The following ANKS1B variants were observed in gnomAD, a reference collection of about 807,000 sequenced individuals.
ANKS1B encodes ankyrin repeat and sterile alpha motif domain containing 1B.
ANKS1B carries 36 observed loss-of-function variants against 148.3 expected under a neutral mutation model. That is an observed-to-expected ratio of 0.24 (90% CI 0.19 to 0.32). The LOEUF is 0.32. Among genes scored for constraint, ANKS1B ranks in the 10% least tolerant of loss-of-function variants. The pLI, the probability that ANKS1B is intolerant of heterozygous loss-of-function variation, is 1.00. For synonymous variants in ANKS1B, 542 were observed against 560.8 expected, an observed-to-expected ratio of 0.97 and a Z score of 0.47; for missense variants, 1,157 against 1,542.6, an observed-to-expected ratio of 0.75 and a Z score of 4.19.
intron 1 of ANKS1B, among the ~76,000 whole-genome samples, chr12:99,952,639 T>C (rs2153824277): frequency 6.6e-6 from 1 of 152,320 alleles, no homozygotes; most frequent in African/African-American, 2.4e-5. Flanking sequence ...AAGGCTCTTG[T>C]ACTTTCAACC....
At chr12:99,268,157 T>C (rs965604628) in intron 12 of ANKS1B, among the ~76,000 whole-genome samples, 2 of 152,186 alleles carry the variant, frequency 1.3e-5, no homozygotes, top group Non-Finnish European at 2.9e-5. Flanking sequence ...CTCAACTCGT[T>C]TTTGAAAGCC....
At chr12:99,042,050 T>A (rs1200218148) in intron 17 of ANKS1B, among the ~76,000 whole-genome samples, 1 of 151,914 alleles carries the variant, frequency 6.6e-6, no homozygotes, top group Admixed American at 6.6e-5. Context: ...AAAAAACCCA[T>A]AAAACACCAA....
chr12:99,806,324 A>G (rs1438635947), intron 4 of ANKS1B, 80 bp downstream of exon 4: 5 of 1,523,538 alleles, frequency 3.3e-6, no homozygotes, highest in Non-Finnish European at 4.5e-6. Context: ...AAAGATTTCT[A>G]CATACAGGTT....
intron 14 of ANKS1B, among the ~76,000 whole-genome samples, chr12:99,224,642 G>A (rs543191607): frequency 3.9e-5 from 6 of 152,292 alleles, no homozygotes; most frequent in African/African-American, 1.4e-4. Context: ...GGAGAATCAT[G>A]AGCCAATTAA....
intron 15 of ANKS1B, among the ~76,000 whole-genome samples, chr12:99,112,514 T>C (rs1373032736): frequency 2.6e-5 from 4 of 152,036 alleles, no homozygotes; most frequent in Non-Finnish European, 5.9e-5. Context: ...ACATTTATTT[T>C]TCCATTGTGA....
At chr12:99,704,734 T>C (rs2055443905) in intron 8 of ANKS1B, among the ~76,000 whole-genome samples, 2 of 152,252 alleles carry the variant, frequency 1.3e-5, no homozygotes, top group South Asian at 4.1e-4. Context: ...ATAAGCTGTC[T>C]GGTATAATAG....
chr12:99,143,165 A>C (rs1467977635), intron 15 of ANKS1B, among the ~76,000 whole-genome samples: 1 of 152,150 alleles, frequency 6.6e-6, no homozygotes, highest in East Asian at 1.9e-4. Context: ...TAATTCTTTC[A>C]ATATGAATTC....
rs35901124 is a variant in ANKS1B, at chr12:99,781,063, C to CAA, written c.745+957_745+958dup. ...TATGAATTTTCCAAACACATAATTG[C>CAA]AAAAAAAAAAAAAAAAGCCAGTTTA... is the stretch of plus-strand genomic sequence containing the variant. On this transcript the variant is annotated intron_variant, in intron 5 of 26. Transcript: ENST00000683438. Among the ~76,000 whole-genome samples the CAA allele has an allele frequency of 9.4e-3, 1,123 of 120,094 alleles. 11 individuals carry two copies. Among genetic ancestry groups the CAA allele is most frequent in the African/African-American group, 0.024 (770 of 31,450 alleles). The allele number at this position is 120,094 out of a possible 152,430, so 78.8% of individuals were successfully genotyped here.
intron 1 of ANKS1B, among the ~76,000 whole-genome samples, chr12:99,845,677 GT>G (rs1203558419): frequency 6.6e-6 from 1 of 152,064 alleles, no homozygotes; most frequent in Non-Finnish European, 1.5e-5. Context: ...TTGGCCTGAA[GT>G]TTTCTTTTTT....
chr12:99,959,227 ATTTTTTTT>A (rs71088166), intron 1 of ANKS1B, among the ~76,000 whole-genome samples: 13 of 99,896 alleles, frequency 1.3e-4, no homozygotes, highest in African/African-American at 2.9e-4. Context: ...CACCCAGTTA[ATTTTTTTT>A]TTTTTTTTTT....
chr12:99,932,941 A>G (rs983063315), intron 1 of ANKS1B, among the ~76,000 whole-genome samples: 3 of 152,118 alleles, frequency 2.0e-5, no homozygotes, highest in Non-Finnish European at 2.9e-5. Flanking sequence ...ATTTTTTTAG[A>G]TGGCAAGAGA....
At chr12:99,148,124 TA>T (rs2073780248) in intron 15 of ANKS1B, among the ~76,000 whole-genome samples, 1 of 152,120 alleles carries the variant, frequency 6.6e-6, no homozygotes, top group African/African-American at 2.4e-5. Flanking sequence ...CTGGATTTCT[TA>T]AAATTAGGCT....
At chr12:99,660,363 C>CTTTTTTTTTTTTTTTTTTTT (rs71088137) in intron 8 of ANKS1B, among the ~76,000 whole-genome samples, 1 of 120,596 alleles carries the variant, frequency 8.3e-6, no homozygotes, top group African/African-American at 3.3e-5. Context: ...TTTTCTTTTT[C>CTTTTTTTTTTTTTTTTTTTT]TTTTTTTTTT....
chr12:98,894,246 C>A (rs940224543), intron 17 of ANKS1B, among the ~76,000 whole-genome samples: 1 of 152,172 alleles, frequency 6.6e-6, no homozygotes, highest in Admixed American at 6.5e-5. Flanking sequence ...CTTGGCATGG[C>A]TTTTTAATAT....
intron 9 of ANKS1B, among the ~76,000 whole-genome samples, chr12:99,573,440 G>A (rs530135775): frequency 2.3e-4 from 35 of 152,032 alleles, no homozygotes; most frequent in African/African-American, 7.5e-4. Flanking sequence ...TTCAAAAAAT[G>A]AATGTTTTAT....
intron 15 of ANKS1B, among the ~76,000 whole-genome samples, chr12:99,119,744 C>G (rs1329076403): frequency 6.6e-6 from 1 of 152,168 alleles, no homozygotes. Flanking sequence ...CTTTGCTTTT[C>G]TCTCAGTAGA....
intron 9 of ANKS1B, among the ~76,000 whole-genome samples, chr12:98,736,860 A>C (rs921027406): frequency 6.6e-6 from 1 of 152,194 alleles, no homozygotes; most frequent in Admixed American, 6.5e-5. Context: ...CCACCTATCT[A>C]TCCTGTACTC....
At chr12:99,338,939 G>A (rs761062438) in intron 12 of ANKS1B, among the ~76,000 whole-genome samples, 6 of 152,040 alleles carry the variant, frequency 3.9e-5, no homozygotes, top group Non-Finnish European at 5.9e-5. Flanking sequence ...CTCCCATCTC[G>A]TCTCCTAAAG....
chr12:98,953,993 T>C (rs963821060), intron 17 of ANKS1B, among the ~76,000 whole-genome samples: 1 of 152,208 alleles, frequency 6.6e-6, no homozygotes, highest in African/African-American at 2.4e-5. Context: ...TTGGCCCTTG[T>C]TGTCTACATC....
Sources: gnomAD v4.1 joint callset for allele counts (sites outside exome capture counted in the v4.1 genomes callset) on GRCh38, gnomAD v4.1.1 for gene constraint, MANE v1.5 for transcripts, NCBI Gene and HGNC (gene_info 2026-07-23, HGNC 2026-07-21) for gene names.